MACROD1: variants seen among roughly 807,000 people sequenced by gnomAD.
MACROD1 encodes the protein mono-ADP ribosylhydrolase 1, also known as ADP-ribose glycohydrolase MACROD1.
A neutral mutation model predicts 41.4 loss-of-function variants in MACROD1; 31 were observed. The ratio of observed to expected loss-of-function variants is 0.75; its 90% CI spans 0.56 to 1.01. The LOEUF (loss-of-function observed/expected upper bound fraction) is 1.01, where lower values mean the gene tolerates loss of function less well. Ranked by LOEUF, MACROD1 falls within the 50% of genes least tolerant of loss-of-function variation. The pLI, the probability that MACROD1 is intolerant of heterozygous loss-of-function variation, is 0.00. For missense variants in MACROD1, 473 were observed against 460.0 expected (o/e 1.03, Z -0.26); for synonymous variants, 252 against 203.4 (o/e 1.24, Z -2.03).
intron 3 of MACROD1, among the ~76,000 whole-genome samples, chr11:64,104,355 GTTCATGCAGCTGGCAGC>G (rs1418875108): frequency 6.6e-6 from 1 of 152,118 alleles, no homozygotes; most frequent in Non-Finnish European, 1.5e-5. Context: ...CACTCACGCA[GTTCATGCAGCTGGCAGC>G]TTCTGCTTGC....
intron 3 of MACROD1, among the ~76,000 whole-genome samples, chr11:64,141,857 G>C (rs1318316051): frequency 3.9e-5 from 6 of 152,312 alleles, no homozygotes; most frequent in Admixed American, 2.0e-4. Context: ...TCTGCCGCGA[G>C]GGGGAGAAAA....
intron 3 of MACROD1, among the ~76,000 whole-genome samples, chr11:64,125,956 C>A (rs2134645019): frequency 6.6e-6 from 1 of 152,354 alleles, no homozygotes; most frequent in East Asian, 1.9e-4. Context: ...ACAATCAAAG[C>A]CATGGCGGAT....
At chr11:64,094,056 G>A (rs1025922132) in intron 3 of MACROD1, among the ~76,000 whole-genome samples, 3 of 152,214 alleles carry the variant, frequency 2.0e-5, no homozygotes, top group Admixed American at 1.3e-4. Context: ...CAGCACTTTG[G>A]GAGGCCAAGC....
rs374032073 is a variant in MACROD1, at chr11:64,096,418, C to CT, written c.517+54820dup. On this transcript the variant is annotated intron_variant, in intron 3 of 10. Transcript: ENST00000255681. The surrounding 1 kb of genome is among the most constrained non-coding windows in gnomAD (Gnocchi z 4.6). ...AGGCAAGTGGTCGTTCCTGTCCCCT[C>CT]TTTTTTTTTTTTGAGACTGAGTCTC... 8.0e-4 allele frequency among the ~76,000 whole-genome samples: 117 copies of CT among 145,478 alleles called. No homozygotes were observed. Among genetic ancestry groups the CT allele is most frequent in the Admixed American group, 9.6e-4 (14 of 14,590 alleles).
intron 4 of MACROD1, among the ~76,000 whole-genome samples, chr11:64,013,342 CCT>C: frequency 6.6e-6 from 1 of 152,236 alleles, no homozygotes; most frequent in African/African-American, 2.4e-5. Flanking sequence ...GGTGGACCCC[CCT>C]GAGAGATGGT....
chr11:64,000,710 T>TCACCTG (rs1565189416), intron 4 of MACROD1, among the ~76,000 whole-genome samples: 1 of 146,854 alleles, frequency 6.8e-6, no homozygotes, highest in South Asian at 2.2e-4. Flanking sequence ...CGGGGAAGCT[T>TCACCTG]CCTCCCCGAC....
chr11:64,017,726 C>T (rs1456465238), intron 3 of MACROD1, among the ~76,000 whole-genome samples: 1 of 152,090 alleles, frequency 6.6e-6, no homozygotes, highest in African/African-American at 2.4e-5. Flanking sequence ...GCTCCAGGCC[C>T]CTTGGCCTGG....
intron 3 of MACROD1, among the ~76,000 whole-genome samples, chr11:64,056,617 C>A (rs1943791277): frequency 6.6e-6 from 1 of 152,192 alleles, no homozygotes; most frequent in African/African-American, 2.4e-5. Context: ...ATGGCAGCAG[C>A]CAGGGCTGGT....
chr11:64,075,381 A>C (rs1944182540), intron 3 of MACROD1, among the ~76,000 whole-genome samples: 1 of 152,258 alleles, frequency 6.6e-6, no homozygotes, highest in Non-Finnish European at 1.5e-5. Flanking sequence ...CAAGCTTGAC[A>C]CTTTATACCC....
At chr11:64,061,091 G>A (rs940812597) in intron 3 of MACROD1, among the ~76,000 whole-genome samples, 14 of 152,190 alleles carry the variant, frequency 9.2e-5, no homozygotes, top group Non-Finnish European at 1.9e-4. Context: ...CCACCTGAGA[G>A]CCTCGCGCTG....
At chr11:64,074,329 G>A (rs865995959) in intron 3 of MACROD1, among the ~76,000 whole-genome samples, 1 of 152,188 alleles carries the variant, frequency 6.6e-6, no homozygotes, top group South Asian at 2.1e-4. Flanking sequence ...CATTCTGCAA[G>A]GTCCCGCTCT....
intron 3 of MACROD1, chr11:64,117,900 G>A (rs746762287): frequency 5.6e-6 from 9 of 1,613,914 alleles, no homozygotes; most frequent in Admixed American, 3.3e-5. Context: ...GGAGCAGAAC[G>A]CTGGCCCCAT....
intron 3 of MACROD1, among the ~76,000 whole-genome samples, chr11:64,058,000 G>A (rs557366047): frequency 1.3e-5 from 2 of 152,334 alleles, no homozygotes; most frequent in South Asian, 2.1e-4. Flanking sequence ...AGCCTCCTGG[G>A]ACAGCTGGCC....
At position 64,122,012 on chromosome 11, in the gene MACROD1, G is replaced by C. The variant is rs1945106818; in HGVS notation, c.517+29227C>G. ...AGGAAAGAAAAGGCAAGGAAGGAGA[G>C]AGAGAAGGCACCAGCAGGCCGGGAA... On this transcript the variant is annotated intron_variant, in intron 3 of 10. Transcript: ENST00000255681. The surrounding 1 kb of genome is among the most constrained non-coding windows in gnomAD (Gnocchi z 4.0). Among the ~76,000 whole-genome samples, 1 of 151,920 alleles carries C rather than the reference G, an allele frequency of 6.6e-6. No individual in the cohort carries two copies. The highest frequency in any genetic ancestry group is 2.1e-4 in the South Asian group (1 of 4,814).
intron 3 of MACROD1, among the ~76,000 whole-genome samples, chr11:64,097,040 C>T (rs1944589164): frequency 6.6e-6 from 1 of 152,270 alleles, no homozygotes; most frequent in Non-Finnish European, 1.5e-5. Flanking sequence ...GAGAACTCTT[C>T]AGGCGCCTGC....
chr11:64,118,992 C>T (rs765650328), intron 3 of MACROD1: 10 of 167,074 alleles, frequency 6.0e-5, no homozygotes, highest in South Asian at 2.1e-4. Flanking sequence ...CACCACGCTC[C>T]GTAGAAGCCC....
At chr11:64,152,914 T>C (rs1477558163) in intron 1 of MACROD1, among the ~76,000 whole-genome samples, 1 of 152,222 alleles carries the variant, frequency 6.6e-6, no homozygotes, top group African/African-American at 2.4e-5. Flanking sequence ...CAAGTGGACC[T>C]GGCACCTGTC....
chr11:64,071,851 T>C (rs1944113347), intron 3 of MACROD1, among the ~76,000 whole-genome samples: 2 of 152,078 alleles, frequency 1.3e-5, no homozygotes, highest in South Asian at 4.1e-4. Context: ...CAGGCCAGGC[T>C]GTGGGCCGTG....
chr11:64,077,382 C>T (rs1944221317), intron 3 of MACROD1, among the ~76,000 whole-genome samples: 1 of 152,204 alleles, frequency 6.6e-6, no homozygotes, highest in South Asian at 2.1e-4. Context: ...TGTCACGGGG[C>T]TGCCCTGCCC....
Sources: gnomAD v4.1 joint callset for allele counts (sites outside exome capture counted in the v4.1 genomes callset) on GRCh38, gnomAD v4.1.1 for gene constraint, Gnocchi (gnomAD v3.1) non-coding constraint, MANE v1.5 for transcripts, NCBI Gene and HGNC (gene_info 2026-07-23, HGNC 2026-07-21) for gene names.